The following EZR variants were observed in gnomAD, a reference collection of about 807,000 sequenced individuals.
EZR encodes the protein cytovillin 2.
EZR carries 40 observed loss-of-function variants against 74.8 expected under a neutral mutation model. The observed-to-expected ratio is 0.53, with a 90% confidence interval of 0.42 to 0.70. The LOEUF (loss-of-function observed/expected upper bound fraction) is 0.70. Among genes scored for constraint, EZR ranks in the 30% least tolerant of loss-of-function variants. EZR has a pLI of 0.00. For synonymous variants in EZR, 341 were observed against 283.3 expected (o/e 1.20, Z -2.05); for missense variants, 678 against 755.8 (o/e 0.90, Z 1.21).
chr6:158,785,524 G>A lies in EZR; in HGVS notation c.252C>T (p.Phe84=). 6.2e-7 allele frequency: 1 copy of A among 1,614,194 alleles called. No individual in the cohort carries two copies. The highest frequency in any genetic ancestry group is 8.5e-7 in the Non-Finnish European group (1 of 1,180,034). The change falls in exon 5 of 14, where the codon TTC becomes TTT. Residue 84 remains phenylalanine, a synonymous_variant. Coordinates refer to ENST00000367075, the MANE Select transcript of EZR (RefSeq NM_001111077.2). ...NPLQFKFRAK[F]YPEDVAEELI... ...GCTCCTCAGCCACATCTTCAGGGTA[G>A]AACTTGGCCCGGAACTTGAACTGGA... is the stretch of plus-strand genomic sequence containing the variant.
chr6:158,797,938 G>T (rs181475226), intron 2 of EZR, among the ~76,000 whole-genome samples: 77 of 152,288 alleles, frequency 5.1e-4, no homozygotes, highest in African/African-American at 1.6e-3. Flanking sequence ...GGAATAGTTT[G>T]TCAGCCCAAA....
In EZR at chr6:158,769,920, G is replaced by A. The variant is rs2128564938; in HGVS notation, c.1115C>T (p.Ala372Val). The change falls in exon 11 of 14, where the codon GCC (alanine) becomes GTC (valine). Residue 372 changes from alanine (A) to valine (V), a missense_variant. Ala to Val is a moderately conservative substitution (Grantham distance 64, BLOSUM62 0). Around this residue, in one of 3 missense-constraint regions of EZR, gnomAD observed 342 missense variants for 341.2 expected, o/e 1.00. Transcript: ENST00000367075. ...ERELSEQIQR[A>V]LQLEEERKRA... ...CTTCCTCTCCTCCTCCAGCTGCAGG[G>A]CCCTCTGAATCTGCTCCGAGAGCTC... 6.2e-7 allele frequency: 1 copy of A among 1,611,974 alleles called. No individual in the cohort carries two copies. Among genetic ancestry groups the A allele is most frequent in the African/African-American group, 1.3e-5 (1 of 75,004 alleles).
chr6:158,782,988 G>GC (rs1282165622), intron 7 of EZR, among the ~76,000 whole-genome samples: 1 of 152,142 alleles, frequency 6.6e-6, no homozygotes, highest in African/African-American at 2.4e-5. Context: ...TTGCTTACAG[G>GC]CCCTCACTCA....
In EZR at chr6:158,817,985, CCT is replaced by C; in HGVS notation, c.12+95_12+96del. ...ATCGTCTTCTGCGTGTGAGAAGAAC[CCT>C]GTTCCCCAGGAACTGCCCCAACACC... On this transcript the variant is annotated intron_variant, in intron 2 of 13. Transcript: ENST00000367075. 3.2e-6 allele frequency: 4 copies of C among 1,250,712 alleles called. No homozygotes were observed. The South Asian group carries it at 5.9e-5, about 18-fold the overall frequency. The allele number at this position is 1,250,712 out of a possible 1,614,324, so 77.5% of individuals were successfully genotyped here. A position where few individuals can be genotyped will look rare whatever the true frequency, so the allele number is the denominator to read the frequency against.
At chr6:158,768,113 G>T (rs1165125292) in intron 12 of EZR, among the ~76,000 whole-genome samples, 1 of 151,948 alleles carries the variant, frequency 6.6e-6, no homozygotes, top group Admixed American at 6.6e-5. Context: ...GGGGGTGGGG[G>T]GCATTACCTG....
chr6:158,818,034 C>A (rs754131953), intron 2 of EZR, 48 bp downstream of exon 2: 2 of 1,598,132 alleles, frequency 1.3e-6, no homozygotes, highest in South Asian at 2.2e-5. Flanking sequence ...CCTCCCCTCT[C>A]CAATGAAGCC....
intron 2 of EZR, among the ~76,000 whole-genome samples, chr6:158,814,981 G>A (rs111283024): frequency 2.5e-3 from 383 of 152,290 alleles, no homozygotes; most frequent in African/African-American, 8.4e-3. Context: ...TACTTTGCCC[G>A]TTGAATTCAA....
chr6:158,811,978 G>A (rs1777459756), intron 2 of EZR, among the ~76,000 whole-genome samples: 1 of 152,018 alleles, frequency 6.6e-6, no homozygotes. Context: ...CCATTTATAG[G>A]GAAGGTCTAG....
rs371279094 is a variant in EZR at position 158,786,013 on chromosome 6, T to C, written c.193-430A>G. Among the ~76,000 whole-genome samples, 3 of 152,092 alleles carry C rather than the reference T, an allele frequency of 2.0e-5. No individual in the cohort carries two copies. In the South Asian group the frequency reaches 6.2e-4, roughly 32 times the overall value. ...CTGCAGTGAGCTATGATGGCGCCAC[T>C]GCACTCCAGCCTGGGTGACAGAGCA... On this transcript the variant is annotated intron_variant, in intron 4 of 13. Transcript: ENST00000367075.
chr6:158,787,100 T>C lies in EZR; in HGVS notation c.192+8A>G. ...TCCACAGCCTGTAAATAGTTAATCC[T>C]GACTTGCCTTCTTATCCAGCTTCAG... On this transcript the variant is annotated splice_region_variant and intron_variant, in intron 4 of 13. Coordinates refer to ENST00000367075, the MANE Select transcript of EZR (RefSeq NM_001111077.2). 1 of 1,611,582 alleles carries C rather than the reference T, an allele frequency of 6.2e-7. No individual in the cohort carries two copies. Among genetic ancestry groups the C allele is most frequent in the Non-Finnish European group, 8.5e-7 (1 of 1,177,818 alleles).
chr6:158,788,650 GAAAA>G (rs35455909), intron 3 of EZR, among the ~76,000 whole-genome samples: 1 of 126,726 alleles, frequency 7.9e-6, no homozygotes, highest in Non-Finnish European at 1.7e-5. Flanking sequence ...CAGTCTCAAA[GAAAA>G]AAAAAAAAAA....
intron 2 of EZR, among the ~76,000 whole-genome samples, chr6:158,809,596 C>A (rs1188073581): frequency 6.6e-6 from 1 of 152,184 alleles, no homozygotes; most frequent in Non-Finnish European, 1.5e-5. Flanking sequence ...ATGATGTGCT[C>A]AACATTGGCT....
chr6:158,771,452 G>T, intron 8 of EZR, 45 bp from the exon 9 acceptor site: 1 of 1,531,364 alleles, frequency 6.5e-7, no homozygotes, highest in South Asian at 1.3e-5. Context: ...TCCTTCGTTT[G>T]GTTTTCTTCT....
At chr6:158,797,859 T>C (rs971248934) in intron 2 of EZR, among the ~76,000 whole-genome samples, 1 of 152,232 alleles carries the variant, frequency 6.6e-6, no homozygotes, top group Non-Finnish European at 1.5e-5. Flanking sequence ...AATTTACCCA[T>C]GGAAAATGTA....
In EZR at chr6:158,785,328, C is replaced by T; in HGVS notation, c.448G>A (p.Glu150Lys). The change falls in exon 5 of 14, where the codon GAG becomes AAG. Residue 150 changes from glutamate (E) to lysine (K), a missense_variant. Glu to Lys is a moderately conservative substitution (Grantham distance 56, BLOSUM62 1). Around this residue, in one of 3 missense-constraint regions of EZR, gnomAD observed 217 missense variants for 232.2 expected, o/e 0.93. Transcript: ENST00000367075. ...EVHKSGYLSSERLIPQRVMDQ... is the reference protein window; with the variant it reads ...EVHKSGYLSSKRLIPQRVMDQ... ...GCTCACCTTTGAGGGATCAGCCGCT[C>T]AGAGCTGAGGTACCCAGACTTGTGC... 6.2e-7 allele frequency: 1 copy of T among 1,614,108 alleles called. No individual in the cohort carries two copies. Among genetic ancestry groups the T allele is most frequent in the Non-Finnish European group, 8.5e-7 (1 of 1,180,030 alleles).
At position 158,769,326 on chromosome 6, in the gene EZR, C is replaced by A; in HGVS notation, c.1344G>T (p.Arg448Ser). 1 of 1,609,078 alleles carries A rather than the reference C, an allele frequency of 6.2e-7. No homozygotes were observed. Residue 448 changes from arginine to serine, a missense_variant and splice_region_variant, in exon 12 of 14, where the codon AGG becomes AGT. Transcript: ENST00000367075. ...KEDEVEEWQH[R>S]AKEAQDDLVK... is the part of the protein sequence containing the mutation. ...GGAGGTGTCCCCCGTGCAGACTCAC[C>A]CTGTGCTGCCACTCTTCAACTTCAT...
intron 3 of EZR, among the ~76,000 whole-genome samples, chr6:158,788,721 G>C (rs1342074603): frequency 6.6e-6 from 1 of 150,456 alleles, no homozygotes; most frequent in Non-Finnish European, 1.5e-5. Flanking sequence ...TAAGTAAGTA[G>C]TAATATCACT....
intron 2 of EZR, among the ~76,000 whole-genome samples, chr6:158,811,625 C>T (rs1777452410): frequency 6.6e-6 from 1 of 152,116 alleles, no homozygotes; most frequent in African/African-American, 2.4e-5. Flanking sequence ...TTTTGGAAGG[C>T]CAAGGTAGGA....
chr6:158,784,206 A>ATGTC (rs1791505189), intron 6 of EZR, among the ~76,000 whole-genome samples: 5 of 152,234 alleles, frequency 3.3e-5, no homozygotes, highest in Non-Finnish European at 7.3e-5. Context: ...CATGTCTTAC[A>ATGTC]TTAACAGCCC....
Sources: gnomAD v4.1 joint callset for allele counts (sites outside exome capture counted in the v4.1 genomes callset) on GRCh38, gnomAD v4.1.1 for gene constraint, gnomAD v4.1.1 regional missense constraint, MANE v1.5 for transcripts, NCBI Gene and HGNC (gene_info 2026-07-23, HGNC 2026-07-21) for gene names.